The following LIFR variants were observed in gnomAD, a reference collection of about 807,000 sequenced individuals.
LIFR encodes LIF receptor subunit alpha, also known as leukemia inhibitory factor receptor.
LIFR carries 84 observed loss-of-function variants against 122.2 expected under a neutral mutation model. The ratio of observed to expected loss-of-function variants is 0.69; its 90% CI spans 0.58 to 0.82. LIFR has a LOEUF of 0.82. LIFR is among the 40% of genes least tolerant of loss of function. The pLI, the probability that LIFR is intolerant of heterozygous loss-of-function variation, is 0.00. For synonymous variants in LIFR, 422 were observed against 434.7 expected, an observed-to-expected ratio of 0.97 and a Z score of 0.36; for missense variants, 1,294 against 1,311.6, an observed-to-expected ratio of 0.99 and a Z score of 0.21.
intron 9 of LIFR, 94 bp downstream of exon 9, chr5:38,505,811 A>G (rs1243565176): frequency 1.6e-6 from 1 of 615,944 alleles, no homozygotes; most frequent in African/African-American, 1.9e-5. Context: ...TAAAGAAAAT[A>G]ATCAGCAAAA....
At chr5:38,510,913 T>C (rs1745767606) in intron 6 of LIFR, among the ~76,000 whole-genome samples, 195 bp from the exon 7 acceptor site, 1 of 149,080 alleles carries the variant, frequency 6.7e-6, no homozygotes, top group Non-Finnish European at 1.5e-5. Context: ...GAGCAAGATA[T>C]ATACGATAAA....
At chr5:38,593,510 T>TA (rs1337214769) in intron 1 of LIFR, among the ~76,000 whole-genome samples, 10 of 152,150 alleles carry the variant, frequency 6.6e-5, no homozygotes, top group Non-Finnish European at 1.2e-4. Flanking sequence ...AGGTGTAGAA[T>TA]ATTCTCATCA....
At chr5:38,498,902 C>T (rs1745030286) in intron 12 of LIFR, among the ~76,000 whole-genome samples, 1 of 152,050 alleles carries the variant, frequency 6.6e-6, no homozygotes, top group Admixed American at 6.5e-5. Flanking sequence ...GTTTTACTTT[C>T]CATAACAAAA....
intron 1 of LIFR, among the ~76,000 whole-genome samples, chr5:38,553,699 A>C (rs1470728901): frequency 1.5e-5 from 2 of 135,980 alleles, no homozygotes; most frequent in African/African-American, 2.7e-5. Context: ...ATTTTAAAAG[A>C]TTATGATAGC....
In LIFR at chr5:38,509,786, C is replaced by T. The variant is rs146918915; in HGVS notation, c.991+678G>A. 2.4e-3 allele frequency among the ~76,000 whole-genome samples: 360 copies of T among 152,220 alleles called. 2 individuals carry two copies. Among genetic ancestry groups the T allele is most frequent in the African/African-American group, 8.4e-3 (349 of 41,526 alleles). Reference sequence around the variant, plus strand: ...GAGGCAGAAAAACTAAAATTGAGACCTAAAAATTCTACATATTTATCTGTG... The same window carrying T: ...GAGGCAGAAAAACTAAAATTGAGACTTAAAAATTCTACATATTTATCTGTG... On this transcript the variant is annotated intron_variant, in intron 7 of 19. Transcript: ENST00000453190.
intron 1 of LIFR, chr5:38,554,855 A>C (rs1017505440): frequency 2.0e-5 from 3 of 152,182 alleles, no homozygotes; most frequent in Non-Finnish European, 2.9e-5. Context: ...CACTATTACC[A>C]ACATATTTGT....
At chr5:38,516,349 C>T (rs1217194265) in intron 5 of LIFR, among the ~76,000 whole-genome samples, 1 of 152,104 alleles carries the variant, frequency 6.6e-6, no homozygotes, top group Non-Finnish European at 1.5e-5. Flanking sequence ...CTACAAGGAA[C>T]TTAAACAAAT....
At chr5:38,492,275 G>T (rs1207838303) in intron 14 of LIFR, among the ~76,000 whole-genome samples, 2 of 152,174 alleles carry the variant, frequency 1.3e-5, no homozygotes, top group Non-Finnish European at 2.9e-5. Context: ...GGCACAGAAA[G>T]TTCTCTTCCC....
intron 4 of LIFR, among the ~76,000 whole-genome samples, chr5:38,525,345 C>A (rs953371523): frequency 6.6e-6 from 1 of 152,164 alleles, no homozygotes; most frequent in Non-Finnish European, 1.5e-5. Flanking sequence ...TTTCTTGCCT[C>A]ATTTCTATCC....
intron 18 of LIFR, among the ~76,000 whole-genome samples, chr5:38,483,686 C>T (rs554347961): frequency 6.6e-6 from 1 of 152,296 alleles, no homozygotes; most frequent in African/African-American, 2.4e-5. Flanking sequence ...GCCTTGGCCT[C>T]CCAGAGTGTT....
chr5:38,595,772 T>A (rs1170869656), upstream of LIFR, among the ~76,000 whole-genome samples: 1 of 137,002 alleles, frequency 7.3e-6, no homozygotes, highest in East Asian at 2.3e-4. Context: ...TCGCTCTGTC[T>A]CCCAAGCTGG....
intron 1 of LIFR, among the ~76,000 whole-genome samples, chr5:38,546,134 G>A (rs73749277): frequency 0.038 from 5,732 of 152,106 alleles, 372 homozygotes; most frequent in African/African-American, 0.13. Context: ...CTTTAATTAC[G>A]AACTGGAAAA....
intron 1 of LIFR, among the ~76,000 whole-genome samples, chr5:38,533,681 C>T (rs780193864): frequency 1.3e-5 from 2 of 152,132 alleles, no homozygotes; most frequent in Non-Finnish European, 2.9e-5. Flanking sequence ...TCCCCCAACC[C>T]CTCTCTATAT....
chr5:38,598,947 C>T (rs1415080809), upstream of LIFR, among the ~76,000 whole-genome samples: 1 of 152,178 alleles, frequency 6.6e-6, no homozygotes, highest in African/African-American at 2.4e-5. Context: ...CACTTAACCT[C>T]CTTTGAGATA....
Position 38,499,524 on chromosome 5 carries a change from T to C in LIFR, c.1660A>G (p.Ile554Val). The C allele has an allele frequency of 6.3e-7, 1 of 1,594,886 alleles. No homozygotes were observed. The highest frequency in any genetic ancestry group is 8.6e-7 in the Non-Finnish European group (1 of 1,162,460). ...AATTAGATATTTACCTTCCAATAGA[T>C]TATTAAATTTTTTCCATCAGAACTC... The part of the protein sequence containing the change: ...EWSSDGKNLI[I>V]YWKPLPINEA... The change falls in exon 12 of 20, where the codon ATC (isoleucine) becomes GTC (valine). Residue 554 changes from isoleucine to valine, a missense_variant. By Grantham distance (29) the Ile-to-Val change is conservative. Coordinates refer to ENST00000453190, the MANE Select transcript of LIFR (RefSeq NM_001127671.2).
At chr5:38,606,632 T>G (rs1312103347) in intron 1 of LIFR, among the ~76,000 whole-genome samples, 1 of 152,168 alleles carries the variant, frequency 6.6e-6, no homozygotes, top group Non-Finnish European at 1.5e-5. Context: ...TCCTAAACAT[T>G]AACTAGAAGG....
intron 12 of LIFR, among the ~76,000 whole-genome samples, chr5:38,497,080 G>A (rs1027570324): frequency 1.3e-5 from 2 of 152,206 alleles, no homozygotes; most frequent in Non-Finnish European, 2.9e-5. Flanking sequence ...GGCGGATCAT[G>A]AGGTCAGCAG....
intron 5 of LIFR, among the ~76,000 whole-genome samples, chr5:38,514,587 T>C (rs1005619296): frequency 1.3e-5 from 2 of 152,288 alleles, no homozygotes; most frequent in Non-Finnish European, 2.9e-5. Flanking sequence ...AATAATTAAA[T>C]TAAAAGAACA....
chr5:38,516,333 C>T (rs1277360751), intron 5 of LIFR, among the ~76,000 whole-genome samples: 5 of 152,032 alleles, frequency 3.3e-5, no homozygotes, highest in Admixed American at 3.3e-4. Context: ...GGCTAATATC[C>T]AGAATCTACA....
Sources: allele counts gnomAD v4.1 joint callset (sites outside exome capture counted in the v4.1 genomes callset), GRCh38; gene constraint gnomAD v4.1.1; transcripts MANE v1.5; gene names NCBI Gene and HGNC (gene_info 2026-07-23, HGNC 2026-07-21).